The following OPA1 variants were observed in gnomAD, a reference collection of about 807,000 sequenced individuals.
OPA1 encodes OPA1 mitochondrial dynamin like GTPase.
In OPA1, 59 loss-of-function variants were observed where a neutral mutation model predicts 152.9. The ratio of observed to expected loss-of-function variants is 0.39; its 90% CI spans 0.31 to 0.48. The LOEUF is 0.48. Among genes scored for constraint, OPA1 ranks in the 20% least tolerant of loss-of-function variants. The pLI is 0.96. For missense variants in OPA1, 1,008 were observed against 1,216.8 expected (o/e 0.83, Z 2.55); for synonymous variants, 400 against 389.9 (o/e 1.03, Z -0.31).
intron 11 of OPA1, 24 bp downstream of exon 11, chr3:193,638,089 G>A (rs753135981): frequency 6.4e-7 from 1 of 1,554,662 alleles, no homozygotes; most frequent in South Asian, 1.1e-5. Flanking sequence ...CCGTCTCAGT[G>A]AGGTTCCTTA....
chr3:193,657,110 T>C lies in OPA1; in HGVS notation c.2209T>C (p.Ser737Pro), dbSNP rs917252521. 1.2e-6 allele frequency: 2 copies of C among 1,613,638 alleles called. No homozygotes were observed. Among genetic ancestry groups the C allele is most frequent in the African/African-American group, 1.3e-5 (1 of 74,916 alleles). Residue 737 changes from serine to proline, a missense_variant, in exon 23 of 31, where the codon TCC becomes CCC. Coordinates refer to ENST00000361510, the MANE Select transcript of OPA1 (RefSeq NM_130837.3). ...TTGGGAGACCCTACAAGAAGAATTT[T>C]CCCGCTTTATGACAGAACCGAAAGG... ...VAWETLQEEFSRFMTEPKGKE... is the reference protein window; with the variant it reads ...VAWETLQEEFPRFMTEPKGKE...
rs2109278084 is a variant in OPA1 at position 193,667,269 on chromosome 3, C to T, written c.2972C>T (p.Ala991Val). Reference sequence around the variant, plus strand: ...CTTACTGGTAAACGCGTTCAACTGGCGGAAGACCTCAGTGAGTAGTTCTTA... The same window carrying T: ...CTTACTGGTAAACGCGTTCAACTGGTGGAAGACCTCAGTGAGTAGTTCTTA... Reference protein sequence around the residue: ...KLLTGKRVQLAEDLKKVREIQ... With the variant: ...KLLTGKRVQLVEDLKKVREIQ... The change falls in exon 29 of 31, where the codon GCG becomes GTG. Residue 991 changes from alanine to valine, a missense_variant. By Grantham distance (64) the Ala-to-Val change is moderately conservative (BLOSUM62 0). Transcript: ENST00000361510. 2 of 1,538,664 alleles carry T rather than the reference C, an allele frequency of 1.3e-6. No individual in the cohort carries two copies. The highest frequency in any genetic ancestry group is 1.1e-5 in the South Asian group (1 of 89,528).
At chr3:193,601,107 A>G (rs1726393089) in intron 1 of OPA1, among the ~76,000 whole-genome samples, 1 of 152,084 alleles carries the variant, frequency 6.6e-6, no homozygotes, top group Admixed American at 6.5e-5. Context: ...AGTAGCTTCT[A>G]CCCATCTGAA....
At chr3:193,678,676 A>G (rs546760398) in intron 29 of OPA1, among the ~76,000 whole-genome samples, 2 of 152,162 alleles carry the variant, frequency 1.3e-5, no homozygotes, top group East Asian at 1.9e-4. Context: ...CCATTACTTT[A>G]TATAGTTCAA....
At position 193,678,093 on chromosome 3, in the gene OPA1, C is replaced by T. The variant is rs73069753; in HGVS notation, c.2983+10813C>T. 7.4e-3 allele frequency among the ~76,000 whole-genome samples: 1,125 copies of T among 152,284 alleles called. 11 individuals carry two copies. Among genetic ancestry groups the T allele is most frequent in the African/African-American group, 0.022 (910 of 41,540 alleles). ...TGTACAGAATATTTCATTTCAATTT[C>T]TCTTAGAACAGCTCATTCATCTATT... is the stretch of plus-strand genomic sequence containing the variant. On this transcript the variant is annotated intron_variant, in intron 29 of 30. Transcript: ENST00000361510.
intron 22 of OPA1, among the ~76,000 whole-genome samples, chr3:193,656,167 A>C (rs1713758646): frequency 6.6e-6 from 1 of 152,070 alleles, no homozygotes; most frequent in South Asian, 2.1e-4. Flanking sequence ...ATGATAGGAT[A>C]TTTTCACATC....
intron 7 of OPA1, among the ~76,000 whole-genome samples, chr3:193,629,399 A>G (rs1731713085): frequency 6.6e-6 from 1 of 152,082 alleles, no homozygotes; most frequent in African/African-American, 2.4e-5. Context: ...CTAATCTAGC[A>G]TATAAATTAT....
chr3:193,643,072 G>C (rs1183599469), intron 13 of OPA1, 23 bp downstream of exon 13: 2 of 1,567,988 alleles, frequency 1.3e-6, no homozygotes, highest in African/African-American at 2.7e-5. Context: ...ATTCATTTCA[G>C]TGACGTTTTA....
intron 6 of OPA1, among the ~76,000 whole-genome samples, chr3:193,620,793 T>C (rs1030694089): frequency 6.6e-6 from 1 of 152,236 alleles, no homozygotes; most frequent in Non-Finnish European, 1.5e-5. Context: ...ATATGCAGCA[T>C]TGTGTTTGCA....
chr3:193,653,575 A>G (rs1713060773), intron 21 of OPA1, among the ~76,000 whole-genome samples: 1 of 152,056 alleles, frequency 6.6e-6, no homozygotes, highest in African/African-American at 2.4e-5. Flanking sequence ...TTAGTGACCC[A>G]TGTTCTTTTA....
At chr3:193,642,554 C>T (rs552446458) in intron 11 of OPA1, among the ~76,000 whole-genome samples, 21 of 152,310 alleles carry the variant, frequency 1.4e-4, no homozygotes, top group Admixed American at 1.2e-3. Context: ...GAAATCACAA[C>T]ATATATGACA....
chr3:193,614,207 G>A (rs1024783730), intron 1 of OPA1, among the ~76,000 whole-genome samples: 3 of 152,226 alleles, frequency 2.0e-5, no homozygotes, highest in African/African-American at 7.2e-5. Flanking sequence ...TCAGGATCGG[G>A]AGACATAGAT....
At position 193,695,392 on chromosome 3, in the gene OPA1, A is replaced by G. The variant is rs1040595431; in HGVS notation, c.*792A>G. On this transcript the variant is annotated 3_prime_UTR_variant, in exon 31 of 31. Transcript: ENST00000361510. The stretch of plus-strand genomic sequence containing the variant: ...CTCCTGTTGACAGAGCCACCGGATT[A>G]TGACACAGGATGAGGAAGATTAAGG... 1 of 152,202 alleles carries G rather than the reference A, an allele frequency of 6.6e-6. No individual in the cohort carries two copies. The highest frequency in any genetic ancestry group is 1.5e-5 in the Non-Finnish European group (1 of 68,030). The allele number at this position is 152,202 out of a possible 1,614,324, so 9.4% of individuals were successfully genotyped here.
intron 27 of OPA1, 97 bp downstream of exon 27, chr3:193,665,093 T>C: frequency 1.4e-6 from 1 of 723,898 alleles, no homozygotes; most frequent in Admixed American, 2.1e-5. Flanking sequence ...TTTAAGTCCT[T>C]TGATCATCTG....
rs766448341 is a variant in OPA1 at position 193,688,449 on chromosome 3, C to CTTTTTTTTTTTTTTTTTTTT, written c.2984-3586_2984-3567dup. Among the ~76,000 whole-genome samples, 6 of 63,358 alleles carry CTTTTTTTTTTTTTTTTTTTT rather than the reference C, an allele frequency of 9.5e-5. 1 individual carries two copies. Among genetic ancestry groups the CTTTTTTTTTTTTTTTTTTTT allele is most frequent in the Non-Finnish European group, 2.0e-4 (6 of 30,306 alleles). 41.6% of individuals were successfully genotyped at this position (63,358 alleles called of 152,430 possible). On this transcript the variant is annotated intron_variant, in intron 29 of 30. Coordinates refer to ENST00000361510, the MANE Select transcript of OPA1 (RefSeq NM_130837.3). ...TGATTTTTACTGAAATGGGTCTTTT[C>CTTTTTTTTTTTTTTTTTTTT]TTTTTTTTTTTTTTTTTTTTTTTTT...
intron 29 of OPA1, among the ~76,000 whole-genome samples, chr3:193,685,028 G>C (rs865863873): frequency 6.6e-6 from 1 of 151,948 alleles, no homozygotes; most frequent in South Asian, 2.1e-4. Context: ...CTGACCAGGC[G>C]CGGTGGTTCA....
At chr3:193,636,807 C>T (rs1003350472) in intron 9 of OPA1, among the ~76,000 whole-genome samples, 1 of 152,100 alleles carries the variant, frequency 6.6e-6, no homozygotes, top group South Asian at 2.1e-4. Flanking sequence ...ATGCATGCCT[C>T]AAACTTAGCA....
In OPA1 at chr3:193,696,585, C is replaced by T. The variant is rs1722269179; in HGVS notation, c.*1985C>T. On this transcript the variant is annotated 3_prime_UTR_variant, in exon 31 of 31. Coordinates refer to ENST00000361510, the MANE Select transcript of OPA1 (RefSeq NM_130837.3). ...TCCTTGAAAGCTAGGTATTTATCAA[C>T]TGCAGATGTTATTGAAAGAAAATAA... 1 of 152,048 alleles carries T rather than the reference C, an allele frequency of 6.6e-6. No homozygotes were observed. 9.4% of individuals were successfully genotyped at this position (152,048 alleles called of 1,614,324 possible).
chr3:193,638,018 A>G lies in OPA1; in HGVS notation c.1102A>G (p.Ile368Val), dbSNP rs1371195522. Reference protein sequence around the residue: ...SVLEMIAQARIFPRGSGEMMT... With the variant: ...SVLEMIAQARVFPRGSGEMMT... ...GTTGGAAATGATTGCCCAAGCTCGA[A>G]TATTCCCAAGAGGATCTGGGGAGAT... The change falls in exon 11 of 31, where the codon ATA (isoleucine) becomes GTA (valine). Residue 368 changes from isoleucine to valine, a missense_variant. This residue lies in a region of OPA1 where 213 missense variants were observed against 291.4 expected (regional missense o/e 0.73). Transcript: ENST00000361510. The G allele has an allele frequency of 1.9e-6, 3 of 1,614,064 alleles. No homozygotes were observed. Among genetic ancestry groups the G allele is most frequent in the Non-Finnish European group, 1.7e-6 (2 of 1,180,004 alleles).
Sources: allele counts gnomAD v4.1 joint callset (sites outside exome capture counted in the v4.1 genomes callset), GRCh38; gene constraint gnomAD v4.1.1; regional missense constraint gnomAD v4.1.1; transcripts MANE v1.5; gene names NCBI Gene and HGNC (gene_info 2026-07-23, HGNC 2026-07-21).